OTOF: variants seen among roughly 807,000 people sequenced by gnomAD.
The protein encoded by OTOF is fer-1-like family member 2.
Under a neutral mutation model 236.8 loss-of-function variants are expected in OTOF, and 218 were observed. The ratio of observed to expected loss-of-function variants is 0.92; its 90% confidence interval spans 0.82 to 1.03. The LOEUF (loss-of-function observed/expected upper bound fraction) is 1.03, where lower values mean the gene tolerates loss of function less well. OTOF is among the 50% of genes least tolerant of loss of function. OTOF has a pLI of 0.00. For synonymous variants in OTOF, 1,041 were observed against 1,072.5 expected, an observed-to-expected ratio of 0.97 and a Z score of 0.57; for missense variants, 2,590 against 2,694.4, an observed-to-expected ratio of 0.96 and a Z score of 0.86.
intron 24 of OTOF, 95 bp from the exon 25 acceptor site, chr2:26,475,588 C>T: frequency 7.2e-7 from 1 of 1,383,036 alleles, no homozygotes; most frequent in Non-Finnish European, 1.0e-6. Flanking sequence ...TTCCACGGAA[C>T]CTGGGGGCAG....
intron 8 of OTOF, among the ~76,000 whole-genome samples, chr2:26,500,333 T>C (rs1017815615): frequency 2.0e-5 from 3 of 152,216 alleles, no homozygotes; most frequent in African/African-American, 7.2e-5. Context: ...GTGCCTGGCA[T>C]AGAATAAACC....
Position 26,516,520 on chromosome 2 carries a change from T to C in OTOF, c.407A>G (p.Asp136Gly). 1 of 1,613,398 alleles carries C rather than the reference T, an allele frequency of 6.2e-7. No homozygotes were observed. Among genetic ancestry groups the C allele is most frequent in the Non-Finnish European group, 8.5e-7 (1 of 1,179,960 alleles). Residue 136 changes from aspartate to glycine, a missense_variant, in exon 5 of 47, where the codon GAT becomes GGT. Physicochemically the swap from Asp to Gly is moderately conservative, Grantham distance 94. Transcript: ENST00000272371. The part of the protein sequence containing the change: ...GSWDDGDFLG[D>G]ESLQEEEKDS... Reference sequence around the variant, plus strand: ...CTTCTCTTCCTCTTGAAGAGACTCATCTCCCAGGAAGTCCCCATCGTCCCA... The same window carrying C: ...CTTCTCTTCCTCTTGAAGAGACTCACCTCCCAGGAAGTCCCCATCGTCCCA...
chr2:26,488,528 G>A (rs1248005620), intron 11 of OTOF, among the ~76,000 whole-genome samples: 10 of 152,214 alleles, frequency 6.6e-5, no homozygotes, highest in Non-Finnish European at 8.8e-5. Context: ...AGGACGCCAC[G>A]GAGCACACAT....
rs150580671 is a variant in OTOF, at chr2:26,532,092, C to CAAAA, written c.139-4176_139-4173dup. ...TGGGTGACAGAGTAAGACTCCACCT[C>CAAAA]AAAAAAAAAAAAAAAAAAAAAAAGA... is the stretch of plus-strand genomic sequence containing the variant. On this transcript the variant is annotated intron_variant, in intron 2 of 46. Coordinates refer to ENST00000272371, the MANE Select transcript of OTOF (RefSeq NM_194248.3). Among the ~76,000 whole-genome samples, 124 of 80,084 alleles carry CAAAA rather than the reference C, an allele frequency of 1.5e-3. 2 individuals carry two copies. The highest frequency in any genetic ancestry group is 2.0e-3 in the African/African-American group (32 of 15,812). The allele number at this position is 80,084 out of a possible 152,430, so 52.5% of individuals were successfully genotyped here.
Position 26,530,723 on chromosome 2 carries a change from A to G in OTOF, c.139-2803T>C, listed in dbSNP as rs564933369. Among the ~76,000 whole-genome samples, 5 of 150,678 alleles carry G rather than the reference A, an allele frequency of 3.3e-5. 1 individual carries two copies. The highest frequency in any genetic ancestry group is 3.3e-4 in the Admixed American group (5 of 15,164). ...TTCATCAGTTTCTCTCTCTGTCTCTATCTCTCCCTTTGTCTCTGTCTCCCT... is the reference window on the plus strand; with the variant it reads ...TTCATCAGTTTCTCTCTCTGTCTCTGTCTCTCCCTTTGTCTCTGTCTCCCT... On this transcript the variant is annotated intron_variant, in intron 2 of 46. Transcript: ENST00000272371.
intron 5 of OTOF, among the ~76,000 whole-genome samples, chr2:26,506,899 G>A (rs1666262415): frequency 6.6e-6 from 1 of 152,164 alleles, no homozygotes; most frequent in Admixed American, 6.5e-5. Flanking sequence ...GCTGAGGCAG[G>A]AGAATCGCTT....
intron 2 of OTOF, among the ~76,000 whole-genome samples, chr2:26,528,558 G>A (rs1034734874): frequency 5.3e-5 from 8 of 152,170 alleles, no homozygotes; most frequent in Non-Finnish European, 8.8e-5. Context: ...CCACTTCTTC[G>A]TTGCTTCCTC....
At position 26,557,415 on chromosome 2, in the gene OTOF, G is replaced by T. The variant is rs75777503; in HGVS notation, c.79+1078C>A. The stretch of plus-strand genomic sequence containing the variant: ...GCAGCAACCACATGGAGAGGCAGAG[G>T]TGGGTGGTGAAGGACAGAGTCAGCC... On this transcript the variant is annotated intron_variant, in intron 1 of 46. Transcript: ENST00000272371. Among the ~76,000 whole-genome samples, 1,117 of 152,302 alleles carry T rather than the reference G, an allele frequency of 7.3e-3. 12 individuals are homozygous for T. Among genetic ancestry groups the T allele is most frequent in the African/African-American group, 0.025 (1,056 of 41,546 alleles).
chr2:26,510,306 C>A (rs1173021092), intron 5 of OTOF, among the ~76,000 whole-genome samples: 1 of 152,108 alleles, frequency 6.6e-6, no homozygotes, highest in South Asian at 2.1e-4. Flanking sequence ...GGCCCTACCT[C>A]GCCCCTGTTG....
chr2:26,499,393 C>T (rs944483408), intron 8 of OTOF, among the ~76,000 whole-genome samples: 3 of 152,198 alleles, frequency 2.0e-5, no homozygotes, highest in Non-Finnish European at 4.4e-5. Context: ...AGCTAAGTCT[C>T]CCCACATCTC....
chr2:26,539,381 C>T (rs989249141), intron 1 of OTOF, among the ~76,000 whole-genome samples: 100 of 152,154 alleles, frequency 6.6e-4, no homozygotes, highest in Non-Finnish European at 1.0e-3. Context: ...AAAAAAATAC[C>T]AAAACCCAAA....
At position 26,473,928 on chromosome 2, in the gene OTOF, C is replaced by T. The variant is rs547705800; in HGVS notation, c.3408+63G>A. ...GTGGTGGGAGGGGGATGACAAGCCA[C>T]TTCCCCTCCTGGGTCCTCAGACTCC... On this transcript the variant is annotated intron_variant, in intron 27 of 46. Transcript: ENST00000272371. This position sits in a 1 kb window ranked among gnomAD's most constrained non-coding sequence, Gnocchi z 7.2. 56 of 1,603,558 alleles carry T rather than the reference C, an allele frequency of 3.5e-5. No homozygotes were observed. In the East Asian group the frequency reaches 1.2e-3, roughly 36 times the overall value.
Position 26,477,585 on chromosome 2 carries a change from G to A in OTOF, c.2315+64C>T. ...GATTCTTCCTCATCTGCCCAGCCCT[G>A]GCAGGGTCCCCTTTGTCCAGTTCCG... On this transcript the variant is annotated intron_variant, in intron 19 of 46. Transcript: ENST00000272371. The surrounding 1 kb of genome is among the most constrained non-coding windows in gnomAD (Gnocchi z 4.7). 1 of 1,603,018 alleles carries A rather than the reference G, an allele frequency of 6.2e-7. No individual in the cohort carries two copies. Among genetic ancestry groups the A allele is most frequent in the Non-Finnish European group, 8.5e-7 (1 of 1,173,528 alleles).
intron 1 of OTOF, among the ~76,000 whole-genome samples, chr2:26,540,915 C>G (rs958489730): frequency 7.9e-5 from 12 of 152,218 alleles, no homozygotes; most frequent in African/African-American, 2.7e-4. Flanking sequence ...ATCTCAACAA[C>G]AAGCCCCCGG....
At chr2:26,554,165 C>CAA (rs34196608) in intron 1 of OTOF, among the ~76,000 whole-genome samples, 30,156 of 78,798 alleles carry the variant, frequency 0.38, 6,408 homozygotes, top group Admixed American at 0.47. Flanking sequence ...GAGCGAGACT[C>CAA]AAAAAAAAAA....
intron 15 of OTOF, 136 bp from the exon 16 acceptor site, chr2:26,480,447 C>A: frequency 1.4e-6 from 1 of 712,086 alleles, no homozygotes; most frequent in Non-Finnish European, 2.5e-6. Context: ...GGCCAGGCAG[C>A]CCACACCCCA....
At chr2:26,503,675 C>A in intron 6 of OTOF, 97 bp downstream of exon 6, 1 of 1,071,392 alleles carries the variant, frequency 9.3e-7, no homozygotes, top group Non-Finnish European at 1.4e-6. Context: ...GACGACCTAT[C>A]CCAGGAGGGC....
rs552019046 is a variant in OTOF at position 26,526,566 on chromosome 2, C to G, written c.227+1266G>C. On this transcript the variant is annotated intron_variant, in intron 3 of 46. Coordinates refer to ENST00000272371, the MANE Select transcript of OTOF (RefSeq NM_194248.3). ...CCTCTATGATTTTCCCTTTCAGGCT[C>G]TCATCCATTTGTTATAAGGTAACAC... Among the ~76,000 whole-genome samples, 16 of 152,284 alleles carry G rather than the reference C, an allele frequency of 1.1e-4. No individual in the cohort carries two copies. The South Asian group carries it at 3.3e-3, about 32-fold the overall frequency.
rs1665068937 is a variant in OTOF at position 26,473,020 on chromosome 2, C to A, written c.3733+112G>T. The A allele has an allele frequency of 9.3e-6, 11 of 1,183,140 alleles. No individual in the cohort carries two copies. In the South Asian group the frequency reaches 1.6e-4, roughly 17 times the overall value. 73.3% of individuals were successfully genotyped at this position (1,183,140 alleles called of 1,614,324 possible). A position where few individuals can be genotyped will look rare whatever the true frequency, so the allele number is the denominator to read the frequency against. On this transcript the variant is annotated intron_variant, in intron 29 of 46. Coordinates refer to ENST00000272371, the MANE Select transcript of OTOF (RefSeq NM_194248.3). This position sits in a 1 kb window ranked among gnomAD's most constrained non-coding sequence, Gnocchi z 7.2. ...AGGGTGACCTTCTTCTATGCCCACC[C>A]CCTCGGCCCCAAAGAGCAAACTCTG...
Sources: gnomAD v4.1 joint callset for allele counts (sites outside exome capture counted in the v4.1 genomes callset) on GRCh38, gnomAD v4.1.1 for gene constraint, Gnocchi (gnomAD v3.1) non-coding constraint, MANE v1.5 for transcripts, NCBI Gene and HGNC (gene_info 2026-07-23, HGNC 2026-07-21) for gene names.